Variants in CAMSAP1 observed in about 807,000 individuals in gnomAD.
CAMSAP1 encodes calmodulin regulated spectrin associated protein 1, also known as calmodulin-regulated spectrin-associated protein 1.
A neutral mutation model predicts 143.5 loss-of-function variants in CAMSAP1; 58 were observed. The observed-to-expected ratio is 0.40, with a 90% CI of 0.33 to 0.50. CAMSAP1 has a LOEUF of 0.50. CAMSAP1 is among the 20% of genes least tolerant of loss of function. CAMSAP1 has a pLI of 0.45. For synonymous variants in CAMSAP1, 945 were observed against 859.3 expected (o/e 1.10, Z -1.74); for missense variants, 1,969 against 2,115.7 (o/e 0.93, Z 1.36).
chr9:135,860,590 T>A (rs1837148457), intron 5 of CAMSAP1, among the ~76,000 whole-genome samples: 1 of 109,164 alleles, frequency 9.2e-6, no homozygotes. Flanking sequence ...AGAGCAAGAC[T>A]CTGCCTCAAA....
Position 135,907,033 on chromosome 9 carries a change from G to T in CAMSAP1, c.127C>A (p.Leu43Met). The change falls in exon 1 of 17, where the codon CTG becomes ATG. Residue 43 changes from leucine (L) to methionine (M), a missense_variant. Leu to Met is a conservative substitution (Grantham distance 15). Coordinates refer to ENST00000389532, the MANE Select transcript of CAMSAP1 (RefSeq NM_015447.4). Reference sequence around the variant, plus strand: ...TAGGCCTTGGCGCAGATCCACTGCAGGTTGGCGGCGATCTTGGCGCGCGCC... The same window carrying T: ...TAGGCCTTGGCGCAGATCCACTGCATGTTGGCGGCGATCTTGGCGCGCGCC... Reference protein sequence around the residue: ...DAARAKIAANLQWICAKAYGR... With the variant: ...DAARAKIAANMQWICAKAYGR... The T allele has an allele frequency of 8.3e-7, 1 of 1,197,900 alleles. No homozygotes were observed. Among genetic ancestry groups the T allele is most frequent in the Non-Finnish European group, 1.0e-6 (1 of 953,812 alleles). 74.2% of individuals were successfully genotyped at this position (1,197,900 alleles called of 1,614,324 possible). A position where few individuals can be genotyped will look rare whatever the true frequency, so the allele number is the denominator to read the frequency against.
At position 135,907,426 on chromosome 9, in the gene CAMSAP1, GCGGGGGCGGGCGCGGGGGCGGGAGCGGGC is replaced by G. The variant is rs1012764869; in HGVS notation, c.-296_-268del. ...GGCGGCAGGAGGGCGCGGGCCGGGG[GCGGGGGCGGGCGCGGGGGCGGGAGCGGGC>G]CGGGGGCGGTGGCAGCGCGTGCGCG... On this transcript the variant is annotated 5_prime_UTR_variant, in exon 1 of 17. Transcript: ENST00000389532. 4.1e-5 allele frequency among the ~76,000 whole-genome samples: 6 copies of G among 146,074 alleles called. No homozygotes were observed. The highest frequency in any genetic ancestry group is 7.4e-5 in the African/African-American group (3 of 40,784).
rs374207546 is a variant in CAMSAP1, at chr9:135,850,138, G to T, written c.1044C>A (p.Asp348Glu). 1.2e-6 allele frequency: 2 copies of T among 1,605,448 alleles called. No individual in the cohort carries two copies. The highest frequency in any genetic ancestry group is 1.7e-6 in the Non-Finnish European group (2 of 1,176,372). Residue 348 changes from aspartate (D) to glutamate (E), a missense_variant and splice_region_variant, in exon 7 of 17, where the codon GAC (aspartate) becomes GAA (glutamate). Physicochemically the swap from Asp to Glu is conservative, Grantham distance 45. Transcript: ENST00000389532. ...VQPRDVQELK[D>E]AKTVLHQKSS... ...ACCTGGGGAATATCTGTCACTCACC[G>T]TCTTTCAGCTCCTGAACATCCCTGG...
At chr9:135,862,705 C>T (rs969807767) in intron 4 of CAMSAP1, 97 bp from the exon 5 acceptor site, 15 of 1,236,342 alleles carry the variant, frequency 1.2e-5, no homozygotes, top group Admixed American at 2.1e-5. Flanking sequence ...TAACATAACG[C>T]CTAACAGACA....
intron 1 of CAMSAP1, among the ~76,000 whole-genome samples, chr9:135,905,997 G>T (rs1838765059): frequency 6.6e-6 from 1 of 152,130 alleles, no homozygotes; most frequent in African/African-American, 2.4e-5. Flanking sequence ...ACTGTCAAAG[G>T]AAAAACTCTT....
intron 1 of CAMSAP1, among the ~76,000 whole-genome samples, chr9:135,887,835 C>A (rs532746538): frequency 6.6e-6 from 1 of 152,162 alleles, no homozygotes; most frequent in Admixed American, 6.5e-5. Context: ...GAGTCGGCAA[C>A]GGCACTGTCA....
chr9:135,850,528 T>G, intron 5 of CAMSAP1, 67 bp from the exon 6 acceptor site: 1 of 1,320,462 alleles, frequency 7.6e-7, no homozygotes, highest in Admixed American at 2.7e-5. Context: ...AGAGAAGCAT[T>G]CTAAAATGAA....
Position 135,850,456 on chromosome 9 carries a change from A to T in CAMSAP1, c.814T>A (p.Cys272Ser). ...GCCATCGACGTTACCTCCTTTAAGC[A>T]TATATCTAATAGACAAAAAGAAAAT... is the stretch of plus-strand genomic sequence containing the variant. ...CPEQMKLDDI[C>S]LKEVTSMADS... The change falls in exon 6 of 17, where the codon TGC becomes AGC. Residue 272 changes from cysteine (C) to serine (S), a missense_variant. This residue lies in a region of CAMSAP1 where 221 missense variants were observed against 298.2 expected (regional missense o/e 0.74). Transcript: ENST00000389532. 7 of 1,570,254 alleles carry T rather than the reference A, an allele frequency of 4.5e-6. No individual in the cohort carries two copies. Among genetic ancestry groups the T allele is most frequent in the Non-Finnish European group, 4.3e-6 (5 of 1,163,876 alleles).
chr9:135,905,999 A>C (rs1328282473), intron 1 of CAMSAP1, among the ~76,000 whole-genome samples: 2 of 152,244 alleles, frequency 1.3e-5, no homozygotes, highest in Non-Finnish European at 2.9e-5. Context: ...TGTCAAAGGA[A>C]AAACTCTTTC....
intron 14 of CAMSAP1, chr9:135,817,752 CAG>C (rs1435116263): frequency 9.7e-6 from 5 of 516,804 alleles, no homozygotes; most frequent in East Asian, 3.5e-5. Context: ...GGGTGGGGGA[CAG>C]GGGAGGGTGA....
chr9:135,861,605 G>A (rs73559463), intron 5 of CAMSAP1, among the ~76,000 whole-genome samples: 3 of 152,106 alleles, frequency 2.0e-5, no homozygotes, highest in Non-Finnish European at 4.4e-5. Flanking sequence ...TATCCAGCCT[G>A]TTCCTTTAAG....
intron 1 of CAMSAP1, among the ~76,000 whole-genome samples, chr9:135,904,051 G>A (rs1838693849): frequency 6.6e-6 from 1 of 152,198 alleles, no homozygotes; most frequent in Admixed American, 6.5e-5. Flanking sequence ...TAAATTTAAA[G>A]AGAGTCTCAA....
chr9:135,879,141 T>G (rs761744535), intron 3 of CAMSAP1, among the ~76,000 whole-genome samples: 20 of 152,016 alleles, frequency 1.3e-4, no homozygotes, highest in Admixed American at 1.3e-4. Flanking sequence ...TAATTGCCAT[T>G]TGTCACAATC....
At chr9:135,872,840 T>G (rs1228537702) in intron 3 of CAMSAP1, among the ~76,000 whole-genome samples, 1 of 152,188 alleles carries the variant, frequency 6.6e-6, no homozygotes, top group African/African-American at 2.4e-5. Context: ...CGTAACAGAC[T>G]TTGAAAATAC....
rs758202956 is a variant in CAMSAP1 at position 135,823,010 on chromosome 9, C to G, written c.1651G>C (p.Val551Leu). 2 of 1,613,866 alleles carry G rather than the reference C, an allele frequency of 1.2e-6. No individual in the cohort carries two copies. Among genetic ancestry groups the G allele is most frequent in the Admixed American group, 3.3e-5 (2 of 60,006 alleles). ...AACTCCGGGTCAGCCTGCTGGGGAA[C>G]CACGTCTGCTCTAACAATAGCCACA... ...ELVAIVRADV[V>L]PQQADPEFPR... is the part of the protein sequence containing the mutation. Residue 551 changes from valine (V) to leucine (L), a missense_variant, in exon 11 of 17, where the codon GTT (valine) becomes CTT (leucine). This residue lies in a region of CAMSAP1 where 1,390 missense variants were observed against 1,420.8 expected (regional missense o/e 0.98). Coordinates refer to ENST00000389532, the MANE Select transcript of CAMSAP1 (RefSeq NM_015447.4).
intron 1 of CAMSAP1, among the ~76,000 whole-genome samples, chr9:135,892,667 G>A (rs1377741660): frequency 6.6e-6 from 1 of 151,536 alleles, no homozygotes; most frequent in South Asian, 2.1e-4. Flanking sequence ...CCTGGCCAAC[G>A]TGGTGAAACC....
chr9:135,880,868 C>T (rs1198679199), intron 3 of CAMSAP1, among the ~76,000 whole-genome samples: 5 of 152,130 alleles, frequency 3.3e-5, no homozygotes, highest in African/African-American at 1.2e-4. Flanking sequence ...TTAGACACTA[C>T]TAAAAGTAAA....
At chr9:135,867,795 C>G (rs772710142) in intron 3 of CAMSAP1, among the ~76,000 whole-genome samples, 2 of 152,148 alleles carry the variant, frequency 1.3e-5, no homozygotes, top group African/African-American at 4.8e-5. Flanking sequence ...ACAAACAAGG[C>G]AAGAGGGGAA....
intron 5 of CAMSAP1, among the ~76,000 whole-genome samples, chr9:135,861,324 T>A (rs796768973): frequency 7.7e-6 from 1 of 129,968 alleles, no homozygotes; most frequent in Admixed American, 7.5e-5. Flanking sequence ...TTTTTTTTTT[T>A]CCCCCCGAGA....
Sources: gnomAD v4.1 joint callset for allele counts (sites outside exome capture counted in the v4.1 genomes callset) on GRCh38, gnomAD v4.1.1 for gene constraint, gnomAD v4.1.1 regional missense constraint, MANE v1.5 for transcripts, NCBI Gene and HGNC (gene_info 2026-07-23, HGNC 2026-07-21) for gene names.